Variants in RTL4 observed in about 807,000 individuals in gnomAD.
The protein encoded by RTL4 is retrotransposon Gag-like protein 4.
Under a neutral mutation model 5.3 loss-of-function variants are expected in RTL4, and 4 were observed. The ratio of observed to expected loss-of-function variants is 0.75; its 90% CI spans 0.37 to 1.72. RTL4 has a LOEUF of 1.72. Among genes scored for constraint, RTL4 ranks in the 40% most tolerant of loss-of-function variants. The pLI, the probability that RTL4 is intolerant of heterozygous loss-of-function variation, is 0.04. For missense variants in RTL4, 260 were observed against 227.1 expected, an observed-to-expected ratio of 1.14 and a Z score of -0.93; for synonymous variants, 98 against 87.3, an observed-to-expected ratio of 1.12 and a Z score of -0.68.
At chrX:112,369,675 G>A in the RTL4 span, among the ~76,000 whole-genome samples, 1 of 112,186 alleles carries the variant, frequency 8.9e-6, no homozygotes, top group African/African-American at 3.2e-5. Flanking sequence ...CTACGTGGAA[G>A]CACTATTTAA....
the RTL4 span, among the ~76,000 whole-genome samples, chrX:112,368,054 G>C: frequency 8.9e-6 from 1 of 111,787 alleles, no homozygotes; most frequent in Admixed American, 9.5e-5. Flanking sequence ...GAAGACAATG[G>C]GATGCCATTG....
the RTL4 span, among the ~76,000 whole-genome samples, chrX:112,272,796 T>A: frequency 3.6e-5 from 4 of 110,485 alleles, no homozygotes; most frequent in Non-Finnish European, 7.6e-5. Flanking sequence ...TAGACTCTAA[T>A]TTTTTTTTAT....
At chrX:112,303,067 C>T in the RTL4 span, among the ~76,000 whole-genome samples, 58 of 111,542 alleles carry the variant, frequency 5.2e-4, no homozygotes, top group East Asian at 6.5e-3. Context: ...AGGGTTTAGT[C>T]CTTCATTAGC....
chrX:112,177,737 C>G, the RTL4 span, among the ~76,000 whole-genome samples: 1 of 111,006 alleles, frequency 9.0e-6, no homozygotes, highest in Non-Finnish European at 1.9e-5. Flanking sequence ...TGTTGTCTAA[C>G]AGTTTTGCAG....
the RTL4 span, among the ~76,000 whole-genome samples, chrX:112,255,717 C>T: frequency 8.9e-6 from 1 of 111,736 alleles, no homozygotes; most frequent in Non-Finnish European, 1.9e-5. Context: ...TAAAATAAGT[C>T]TAACTTCTCT....
the RTL4 span, among the ~76,000 whole-genome samples, chrX:112,126,264 T>C: frequency 9.0e-6 from 1 of 111,615 alleles, no homozygotes. Context: ...AGAAAAAAAA[T>C]TGAAGAAAAG....
the RTL4 span, among the ~76,000 whole-genome samples, chrX:112,126,375 T>A: frequency 8.9e-6 from 1 of 112,170 alleles, no homozygotes; most frequent in Admixed American, 9.5e-5. Flanking sequence ...TCCCAAAGAA[T>A]ATCCACAAAT....
the RTL4 span, among the ~76,000 whole-genome samples, chrX:112,355,421 T>C: frequency 2.4e-3 from 263 of 111,441 alleles, 1 homozygote; most frequent in African/African-American, 7.8e-3. Context: ...GAACATAATA[T>C]CATCAGTATT....
At chrX:112,387,828 T>G in the RTL4 span, among the ~76,000 whole-genome samples, 1 of 111,929 alleles carries the variant, frequency 8.9e-6, no homozygotes, top group South Asian at 3.8e-4. Context: ...TATATCCCCA[T>G]AGTATAGTTT....
chrX:112,175,705 A>AATTAGGTAT, the RTL4 span, among the ~76,000 whole-genome samples: 1 of 111,409 alleles, frequency 9.0e-6, no homozygotes, highest in Non-Finnish European at 1.9e-5. Flanking sequence ...ACTCTCAATA[A>AATTAGGTAT]ATTAGGTATT....
chrX:112,300,878 A>G, the RTL4 span, among the ~76,000 whole-genome samples: 1 of 111,625 alleles, frequency 9.0e-6, no homozygotes, highest in East Asian at 2.8e-4. Context: ...ATCTAGTGAG[A>G]AAGAGCAGGG....
chrX:112,356,627 TTGAG>T, the RTL4 span, among the ~76,000 whole-genome samples: 1 of 108,967 alleles, frequency 9.2e-6, no homozygotes, highest in Non-Finnish European at 1.9e-5. Flanking sequence ...GATCTCTTCT[TTGAG>T]TATTTTTCTA....
In RTL4 at chrX:112,454,545, C is replaced by T; in HGVS notation, c.-184C>T. 2.5e-6 allele frequency: 1 copy of T among 405,945 alleles called. No individual in the cohort carries two copies. Among genetic ancestry groups the T allele is most frequent in the East Asian group, 4.0e-5 (1 of 25,251 alleles). 33.5% of individuals were successfully genotyped at this position (405,945 alleles called of 1,213,427 possible). On this transcript the variant is annotated 5_prime_UTR_variant, in exon 1 of 1. The change creates a premature stop within an existing upstream ORF in the 5' untranslated region. Transcript: ENST00000340433. ...AGAAGAGGCAACATTGAGTGGCGGA[C>T]AACACTTTTTGGCATCTCTCCAATT...
At chrX:112,190,197 TTTCTTTC>T in the RTL4 span, among the ~76,000 whole-genome samples, 4 of 104,231 alleles carry the variant, frequency 3.8e-5, no homozygotes, top group Non-Finnish European at 7.8e-5. Context: ...TCTTTCTTTC[TTTCTTTC>T]TTTTTTCTAT....
chrX:112,296,398 G>A, the RTL4 span, among the ~76,000 whole-genome samples: 10 of 110,712 alleles, frequency 9.0e-5, no homozygotes, highest in Non-Finnish European at 1.7e-4. Context: ...AATCAAATAA[G>A]TTCCTTTTAG....
the RTL4 span, among the ~76,000 whole-genome samples, chrX:112,084,531 T>C: frequency 9.0e-6 from 1 of 110,987 alleles, no homozygotes; most frequent in South Asian, 3.9e-4. Flanking sequence ...ACTTGATTCT[T>C]TGCCTTTCAT....
chrX:112,393,161 G>GTTTTT, the RTL4 span, among the ~76,000 whole-genome samples: 7 of 71,300 alleles, frequency 9.8e-5, no homozygotes, highest in African/African-American at 2.5e-4. Flanking sequence ...TTTTTTTTTT[G>GTTTTT]TTTTTTTTTT....
At chrX:112,088,851 A>G in the RTL4 span, among the ~76,000 whole-genome samples, 1 of 112,195 alleles carries the variant, frequency 8.9e-6, no homozygotes, top group Non-Finnish European at 1.9e-5. Context: ...TGCACCTATC[A>G]TATATCTTTT....
the RTL4 span, among the ~76,000 whole-genome samples, chrX:112,308,388 T>G: frequency 9.0e-6 from 1 of 111,430 alleles, no homozygotes; most frequent in African/African-American, 3.3e-5. Context: ...GGAAAACACA[T>G]GGCTAACAAT....
Sources: gnomAD v4.1 joint callset for allele counts (sites outside exome capture counted in the v4.1 genomes callset) on GRCh38, gnomAD v4.1.1 for gene constraint, MANE v1.5 for transcripts, NCBI Gene and HGNC (gene_info 2026-07-23, HGNC 2026-07-21) for gene names.